SPAG16: variants seen among roughly 807,000 people sequenced by gnomAD.
The protein encoded by SPAG16 is sperm associated antigen 16.
SPAG16 carries 86 observed loss-of-function variants against 80.4 expected under a neutral mutation model. That is an observed-to-expected ratio of 1.07 (90% CI 0.90 to 1.28). SPAG16 has a LOEUF of 1.28. SPAG16 is among the 50% of genes most tolerant of loss of function. SPAG16 has a pLI of 0.00. For missense variants in SPAG16, 870 were observed against 765.3 expected, an observed-to-expected ratio of 1.14 and a Z score of -1.61; for synonymous variants, 294 against 265.9, an observed-to-expected ratio of 1.11 and a Z score of -1.03.
chr2:213,402,516 G>T (rs2068371225), intron 9 of SPAG16, among the ~76,000 whole-genome samples: 1 of 151,952 alleles, frequency 6.6e-6, no homozygotes, highest in Admixed American at 6.6e-5. Context: ...ATGTTGGTGT[G>T]CTGCACCCAT....
chr2:214,282,262 G>C (rs1279576246), intron 15 of SPAG16, among the ~76,000 whole-genome samples: 2 of 151,980 alleles, frequency 1.3e-5, no homozygotes, highest in African/African-American at 4.8e-5. Context: ...AAATGATGTA[G>C]ATTGAATCAA....
At chr2:213,722,632 C>T (rs941723493) in intron 10 of SPAG16, among the ~76,000 whole-genome samples, 3 of 152,116 alleles carry the variant, frequency 2.0e-5, no homozygotes, top group Admixed American at 1.3e-4. Context: ...AGGAATTTCA[C>T]ATGAGATCAG....
chr2:214,236,050 G>A (rs571333435), intron 15 of SPAG16, among the ~76,000 whole-genome samples: 1 of 152,258 alleles, frequency 6.6e-6, no homozygotes, highest in Admixed American at 6.5e-5. Flanking sequence ...AAACATAGTA[G>A]GGGTGTAAAT....
At chr2:214,403,914 G>A (rs925232435) in intron 15 of SPAG16, among the ~76,000 whole-genome samples, 1 of 152,158 alleles carries the variant, frequency 6.6e-6, no homozygotes, top group South Asian at 2.1e-4. Context: ...GGCAGATCTT[G>A]TACTAGGAAT....
At chr2:213,791,014 T>A (rs2070665686) in intron 10 of SPAG16, among the ~76,000 whole-genome samples, 1 of 152,102 alleles carries the variant, frequency 6.6e-6, no homozygotes, top group Non-Finnish European at 1.5e-5. Context: ...AAATCCCTGG[T>A]GGTTTAATTA....
At chr2:213,950,702 C>CTTTTTTT (rs59353089) in intron 12 of SPAG16, among the ~76,000 whole-genome samples, 1 of 99,722 alleles carries the variant, frequency 1.0e-5, no homozygotes, top group Non-Finnish European at 1.9e-5. Flanking sequence ...TTTTTTCTTT[C>CTTTTTTT]TTTTTTTTTT....
At chr2:213,874,599 C>T in intron 11 of SPAG16, among the ~76,000 whole-genome samples, 1 of 152,246 alleles carries the variant, frequency 6.6e-6, no homozygotes, top group Admixed American at 6.5e-5. Flanking sequence ...AATAACATCA[C>T]CACAAACACA....
chr2:214,040,290 C>T (rs2048938090), intron 13 of SPAG16, among the ~76,000 whole-genome samples: 1 of 152,064 alleles, frequency 6.6e-6, no homozygotes, highest in Non-Finnish European at 1.5e-5. Flanking sequence ...ATATCTCTTT[C>T]TTCCATTCTT....
At chr2:214,302,635 C>A (rs1035398661) in intron 15 of SPAG16, among the ~76,000 whole-genome samples, 1 of 152,060 alleles carries the variant, frequency 6.6e-6, no homozygotes, top group Admixed American at 6.6e-5. Context: ...TGTGCACCAC[C>A]GCACCCGGCT....
At chr2:214,045,287 G>A (rs1016172900) in intron 13 of SPAG16, among the ~76,000 whole-genome samples, 2 of 152,142 alleles carry the variant, frequency 1.3e-5, no homozygotes, top group Non-Finnish European at 2.9e-5. Context: ...GATATACCCT[G>A]GGCCAGAAGG....
At chr2:213,290,109 G>A (rs2062210720) in intron 1 of SPAG16, among the ~76,000 whole-genome samples, 1 of 152,156 alleles carries the variant, frequency 6.6e-6, no homozygotes, top group African/African-American at 2.4e-5. Flanking sequence ...TTTCAGTGTG[G>A]GTGTTACATT....
chr2:214,383,586 AG>A (rs1700583247), intron 15 of SPAG16, among the ~76,000 whole-genome samples: 1 of 151,710 alleles, frequency 6.6e-6, no homozygotes, highest in Non-Finnish European at 1.5e-5. Flanking sequence ...AAAAGAAAAA[AG>A]AAAAAAAAAG....
intron 10 of SPAG16, among the ~76,000 whole-genome samples, chr2:213,509,619 C>G (rs1005478329): frequency 6.6e-5 from 10 of 151,966 alleles, no homozygotes; most frequent in Non-Finnish European, 1.5e-5. Context: ...TTGAAACCAA[C>G]GAGAACAAAG....
chr2:213,834,306 T>G lies in SPAG16; in HGVS notation c.1071-28179T>G, dbSNP rs1414836074. 2.0e-5 allele frequency among the ~76,000 whole-genome samples: 3 copies of G among 152,138 alleles called. No homozygotes were observed. The East Asian group carries it at 5.8e-4, about 29-fold the overall frequency. ...GCATAAAAATTTTATTTAGCAAAGC[T>G]CTACATGACATGGGAGCCTTCAGAA... On this transcript the variant is annotated intron_variant, in intron 10 of 15. Transcript: ENST00000331683.
intron 15 of SPAG16, among the ~76,000 whole-genome samples, chr2:214,241,845 C>A (rs2125827663): frequency 6.6e-6 from 1 of 151,262 alleles, no homozygotes; most frequent in East Asian, 2.0e-4. Context: ...GAGTATAAGA[C>A]AAGGAAGCAG....
At chr2:213,711,255 C>A (rs2065972982) in intron 10 of SPAG16, among the ~76,000 whole-genome samples, 1 of 151,724 alleles carries the variant, frequency 6.6e-6, no homozygotes, top group African/African-American at 2.4e-5. Context: ...ATTGTTATGG[C>A]AAAAATTTTT....
intron 11 of SPAG16, among the ~76,000 whole-genome samples, chr2:213,886,862 A>G (rs4673773): frequency 0.59 from 89,718 of 151,300 alleles, 28,432 homozygotes; most frequent in South Asian, 0.85. Context: ...AATTAGAACA[A>G]TGGACACTAT....
intron 15 of SPAG16, among the ~76,000 whole-genome samples, chr2:214,230,048 A>T (rs1688582070): frequency 6.6e-6 from 1 of 151,952 alleles, no homozygotes; most frequent in Non-Finnish European, 1.5e-5. Context: ...TGGAGAAAAA[A>T]TAGCTAAATC....
chr2:213,573,069 T>G (rs947607821), intron 10 of SPAG16, among the ~76,000 whole-genome samples: 2 of 152,190 alleles, frequency 1.3e-5, no homozygotes, highest in African/African-American at 4.8e-5. Context: ...GCTTCCCAGG[T>G]GAGGCAATGC....
Sources: allele counts gnomAD v4.1 joint callset (sites outside exome capture counted in the v4.1 genomes callset), GRCh38; gene constraint gnomAD v4.1.1; transcripts MANE v1.5; gene names NCBI Gene and HGNC (gene_info 2026-07-23, HGNC 2026-07-21).